The following TSHZ3 variants were observed in gnomAD, a reference collection of about 807,000 sequenced individuals.
The protein encoded by TSHZ3 is teashirt zinc finger homeobox 3.
TSHZ3 carries 10 observed loss-of-function variants against 64.5 expected under a neutral mutation model. The ratio of observed to expected loss-of-function variants is 0.16; its 90% confidence interval spans 0.10 to 0.26. The LOEUF (loss-of-function observed/expected upper bound fraction) is 0.26. Among genes scored for constraint, TSHZ3 ranks in the 10% least tolerant of loss-of-function variants. The pLI, the probability that TSHZ3 is intolerant of heterozygous loss-of-function variation, is 1.00. For synonymous variants in TSHZ3, 608 were observed against 593.1 expected (o/e 1.03, Z -0.36); for missense variants, 1,242 against 1,421.7 (o/e 0.87, Z 2.03).
intron 1 of TSHZ3, among the ~76,000 whole-genome samples, chr19:31,314,042 C>T (rs1916536813): frequency 6.6e-6 from 1 of 152,110 alleles, no homozygotes; most frequent in African/African-American, 2.4e-5. Flanking sequence ...CAGGTCAGAC[C>T]CCCTCGTGCC....
chr19:31,225,112 G>A (rs867636661), intron 4 of TSHZ3, among the ~76,000 whole-genome samples: 5 of 152,174 alleles, frequency 3.3e-5, no homozygotes, highest in Admixed American at 6.5e-5. Context: ...ATCAGAAAAG[G>A]GGGCATTAAA....
At chr19:31,310,685 CTG>C (rs1195534766) in intron 1 of TSHZ3, among the ~76,000 whole-genome samples, 1 of 152,210 alleles carries the variant, frequency 6.6e-6, no homozygotes, top group Non-Finnish European at 1.5e-5. Flanking sequence ...GGTCCATCTT[CTG>C]TTCTGTCCTG....
chr19:31,198,212 A>C (rs1055056327), intron 5 of TSHZ3, among the ~76,000 whole-genome samples: 1 of 152,148 alleles, frequency 6.6e-6, no homozygotes, highest in African/African-American at 2.4e-5. Context: ...AGACCATATC[A>C]ATAGATGCAT....
intron 1 of TSHZ3, among the ~76,000 whole-genome samples, chr19:31,322,672 G>A (rs182153584): frequency 6.0e-5 from 9 of 150,266 alleles, no homozygotes; most frequent in Non-Finnish European, 1.0e-4. Flanking sequence ...CTCCTGCCTC[G>A]GCCTCCCAAA....
At chr19:31,307,115 A>C (rs1017994291) in intron 1 of TSHZ3, among the ~76,000 whole-genome samples, 2 of 152,104 alleles carry the variant, frequency 1.3e-5, no homozygotes, top group Non-Finnish European at 2.9e-5. Flanking sequence ...AGCCCAACTT[A>C]ATTACATAAC....
intron 1 of TSHZ3, among the ~76,000 whole-genome samples, chr19:31,245,371 TA>T (rs1378020140): frequency 2.0e-5 from 3 of 152,098 alleles, no homozygotes; most frequent in African/African-American, 4.8e-5. Flanking sequence ...GCAAAAAAGA[TA>T]GGGGGGCTAT....
At chr19:31,180,330 G>C (rs191903460) in intron 5 of TSHZ3, among the ~76,000 whole-genome samples, 23 of 152,288 alleles carry the variant, frequency 1.5e-4, no homozygotes, top group Non-Finnish European at 2.6e-4. Flanking sequence ...TTTCTACAGA[G>C]CCTGGCCCAC....
intron 1 of TSHZ3, among the ~76,000 whole-genome samples, chr19:31,259,386 C>G (rs567644956): frequency 1.3e-5 from 2 of 152,194 alleles, no homozygotes; most frequent in African/African-American, 4.8e-5. Context: ...TCAAACTGTT[C>G]TGCTGAAAGG....
chr19:31,337,720 A>AACACAC (rs372251116), intron 1 of TSHZ3, among the ~76,000 whole-genome samples: 3,340 of 146,042 alleles, frequency 0.023, 112 homozygotes, highest in African/African-American at 0.071. Context: ...TTTCAAAATA[A>AACACAC]ACACACACAC....
At chr19:31,165,330 C>A (rs1974432996) in intron 5 of TSHZ3, among the ~76,000 whole-genome samples, 1 of 152,218 alleles carries the variant, frequency 6.6e-6, no homozygotes, top group Non-Finnish European at 1.5e-5. Flanking sequence ...CAGATGGGAG[C>A]ACCTTGGTGT....
intron 1 of TSHZ3, among the ~76,000 whole-genome samples, chr19:31,332,540 T>C (rs772904609): frequency 6.6e-6 from 1 of 152,136 alleles, no homozygotes; most frequent in Non-Finnish European, 1.5e-5. Context: ...ATCAGCTGTA[T>C]TGGGGAACGG....
At chr19:31,224,370 T>C (rs1975431421) in intron 4 of TSHZ3, among the ~76,000 whole-genome samples, 1 of 152,242 alleles carries the variant, frequency 6.6e-6, no homozygotes, top group African/African-American at 2.4e-5. Context: ...GTTGTAATTC[T>C]GTGTCATTGG....
chr19:31,183,689 G>A (rs577081683), intron 5 of TSHZ3, among the ~76,000 whole-genome samples: 2 of 152,190 alleles, frequency 1.3e-5, no homozygotes, highest in South Asian at 2.1e-4. Flanking sequence ...CTGTAAGGAG[G>A]GAGAGGTGAG....
chr19:31,349,727 C>T (rs1420129720), upstream of TSHZ3, among the ~76,000 whole-genome samples: 1 of 147,486 alleles, frequency 6.8e-6, no homozygotes, highest in Non-Finnish European at 1.5e-5. Flanking sequence ...TGCCCCGGCC[C>T]CCGCCCCTAG....
At chr19:31,211,632 G>A (rs1975259989) in intron 4 of TSHZ3, among the ~76,000 whole-genome samples, 1 of 152,182 alleles carries the variant, frequency 6.6e-6, no homozygotes, top group Middle Eastern at 3.2e-3. Flanking sequence ...GCCCAGTAGC[G>A]GCAGACAGCC....
chr19:31,340,261 G>C (rs1285484823), intron 1 of TSHZ3, among the ~76,000 whole-genome samples: 3 of 141,412 alleles, frequency 2.1e-5, no homozygotes, highest in Non-Finnish European at 4.5e-5. Flanking sequence ...GCAGTTATCA[G>C]GCATAAAGAT....
intron 4 of TSHZ3, among the ~76,000 whole-genome samples, chr19:31,223,659 G>A (rs1225906048): frequency 6.6e-6 from 1 of 152,100 alleles, no homozygotes; most frequent in Non-Finnish European, 1.5e-5. Flanking sequence ...AAGTTTATAA[G>A]GTTCGTGTGT....
chr19:31,228,524 T>TA (rs5827760), intron 3 of TSHZ3, among the ~76,000 whole-genome samples: 82,601 of 130,984 alleles, frequency 0.63, 27,685 homozygotes, highest in Non-Finnish European at 0.76. Context: ...AAACCCTGTC[T>TA]AAAAAAAAAA....
At chr19:31,185,524 C>A (rs1032740057) in intron 5 of TSHZ3, among the ~76,000 whole-genome samples, 1 of 152,154 alleles carries the variant, frequency 6.6e-6, no homozygotes, top group Admixed American at 6.5e-5. Flanking sequence ...AGAGGGAGCT[C>A]AGTGGAGTCT....
Sources: allele counts gnomAD v4.1 joint callset (sites outside exome capture counted in the v4.1 genomes callset), GRCh38; gene constraint gnomAD v4.1.1; transcripts MANE v1.5; gene names NCBI Gene and HGNC (gene_info 2026-07-23, HGNC 2026-07-21).